Variants in GRK6 observed in about 807,000 individuals in gnomAD.
GRK6 encodes G protein-coupled receptor kinase 6.
Under a neutral mutation model 80.8 loss-of-function variants are expected in GRK6, and 37 were observed. The ratio of observed to expected loss-of-function variants is 0.46; its 90% CI spans 0.35 to 0.60. GRK6 has a LOEUF of 0.60. GRK6 is among the 20% of genes least tolerant of loss of function. The pLI, the probability that GRK6 is intolerant of heterozygous loss-of-function variation, is 0.00. For missense variants in GRK6, 560 were observed against 784.6 expected (o/e 0.71, Z 3.42); for synonymous variants, 295 against 320.9 (o/e 0.92, Z 0.86).
chr5:177,430,700 G>A (rs1262154337), intron 1 of GRK6, 172 bp from the exon 2 acceptor site: 5 of 613,864 alleles, frequency 8.1e-6, no homozygotes, highest in African/African-American at 1.9e-5. Flanking sequence ...AGAAGCACGT[G>A]TGTCCTGGAA....
intron 10 of GRK6, 32 bp downstream of exon 10, chr5:177,434,971 G>C: frequency 6.2e-7 from 1 of 1,613,060 alleles, no homozygotes; most frequent in Non-Finnish European, 8.5e-7. Flanking sequence ...GGGTCAGGGT[G>C]GGGTGAGATG....
chr5:177,438,348 C>G (rs1312765425), intron 13 of GRK6, among the ~76,000 whole-genome samples: 1 of 151,652 alleles, frequency 6.6e-6, no homozygotes, highest in Admixed American at 6.6e-5. Context: ...GCCTGGGCAA[C>G]AAGAGTGAAA....
intron 1 of GRK6, 82 bp downstream of exon 1, chr5:177,426,979 C>T: frequency 3.1e-6 from 3 of 958,360 alleles, no homozygotes; most frequent in Non-Finnish European, 4.1e-6. Flanking sequence ...GCTACCCAGC[C>T]GTCGGATCCC....
Position 177,432,228 on chromosome 5 carries a change from T to C in GRK6, c.262-5T>C, listed in dbSNP as rs1461612313. The C allele has an allele frequency of 1.9e-6, 3 of 1,613,696 alleles. No homozygotes were observed. Among genetic ancestry groups the C allele is most frequent in the East Asian group, 4.5e-5 (2 of 44,888 alleles). On this transcript the variant is annotated splice_region_variant and splice_polypyrimidine_tract_variant and intron_variant, in intron 3 of 15. Transcript: ENST00000355472. ...CCTCCAGCTTCTTTGCTTTCCACCC[T>C]GCAGGCCGAGTATGAAGTGACCCCG...
chr5:177,436,688 CCCAGGATGGGTCTGGCTTGTGGCATG>C, intron 13 of GRK6, 158 bp downstream of exon 13: 1 of 757,178 alleles, frequency 1.3e-6, no homozygotes, highest in Non-Finnish European at 2.1e-6. Flanking sequence ...AAGGAAAAGC[CCCAGGATGGGTCTGGCTTGTGGCATG>C]CCTGGATGGG....
chr5:177,426,920 C>A, intron 1 of GRK6, 23 bp downstream of exon 1: 1 of 1,348,640 alleles, frequency 7.4e-7, no homozygotes, highest in South Asian at 1.8e-5. Flanking sequence ...GGTGGGCGGC[C>A]GGGCCCGGGT....
intron 2 of GRK6, among the ~76,000 whole-genome samples, chr5:177,431,185 G>A (rs1020500615): frequency 5.9e-5 from 9 of 152,238 alleles, no homozygotes; most frequent in African/African-American, 1.9e-4. Context: ...TGGTTGAAGC[G>A]GGTGTCGGGA....
At chr5:177,433,514 G>C in intron 7 of GRK6, 22 bp from the exon 8 acceptor site, 1 of 1,613,638 alleles carries the variant, frequency 6.2e-7, no homozygotes, top group Non-Finnish European at 8.5e-7. Flanking sequence ...GCCCCCATTC[G>C]CCCCTGTCTG....
intron 11 of GRK6, among the ~76,000 whole-genome samples, chr5:177,435,811 T>C (rs1358901765): frequency 1.3e-5 from 2 of 152,244 alleles, no homozygotes; most frequent in Admixed American, 1.3e-4. Flanking sequence ...AAACTGTTTT[T>C]AGTAAGCCAG....
Position 177,436,098 on chromosome 5 carries a change from G to A in GRK6, c.1083G>A (p.Arg361=). The A allele has an allele frequency of 1.2e-6, 2 of 1,614,008 alleles. No homozygotes were observed. The highest frequency in any genetic ancestry group is 1.7e-6 in the Non-Finnish European group (2 of 1,179,970). Residue 361 remains arginine, a synonymous_variant, in exon 12 of 16, where the codon CGG becomes CGA. Transcript: ENST00000355472. ...YMAPEVVKNE[R]YTFSPDWWAL... ...CTCCGGAGGTGGTGAAGAATGAACG[G>A]TACACGTTCAGCCCTGACTGGTGGG...
rs774831325 is a variant in GRK6, at chr5:177,436,295, C to T, written c.1266+14C>T. The T allele has an allele frequency of 6.2e-7, 1 of 1,613,784 alleles. No homozygotes were observed. The highest frequency in any genetic ancestry group is 8.5e-7 in the Non-Finnish European group (1 of 1,179,872). On this transcript the variant is annotated intron_variant, in intron 12 of 15. Coordinates refer to ENST00000355472, the MANE Select transcript of GRK6 (RefSeq NM_001004106.3). Reference sequence around the variant, plus strand: ...CTTTGCTCACAGGTACGGCAGCTCACAGAAGCCTGGCCAGCCAGGGCTGGG... The same window carrying T: ...CTTTGCTCACAGGTACGGCAGCTCATAGAAGCCTGGCCAGCCAGGGCTGGG...
intron 14 of GRK6, 40 bp from the exon 15 acceptor site, chr5:177,440,879 G>T (rs1429919803): frequency 1.2e-6 from 2 of 1,613,696 alleles, no homozygotes; most frequent in Non-Finnish European, 1.7e-6. Context: ...CCAGGAGGCT[G>T]CCCTGGGGAC....
Position 177,430,811 on chromosome 5 carries a change from G to A in GRK6, c.53-61G>A, listed in dbSNP as rs1316394131. 8.1e-6 allele frequency: 12 copies of A among 1,472,972 alleles called. 1 individual carries two copies. Among genetic ancestry groups the A allele is most frequent in the Middle Eastern group, 1.9e-4 (1 of 5,204 alleles). The allele number at this position is 1,472,972 out of a possible 1,614,324, so 91.2% of individuals were successfully genotyped here. On this transcript the variant is annotated intron_variant, in intron 1 of 15. Transcript: ENST00000355472. ...CCCTAGAGGCCGTGGACCGCACTGA[G>A]GACCCAGAGGCAGTTCTGAGGCAGT...
In GRK6 at chr5:177,433,631, G is replaced by T; in HGVS notation, c.693G>T (p.Ala231=). 1 of 1,614,132 alleles carries T rather than the reference G, an allele frequency of 6.2e-7. No homozygotes were observed. The part of the protein sequence containing the change: ...RIKKRKGEAM[A]LNEKQILEKV... ...AGAAGCGGAAAGGGGAGGCCATGGCGCTGAACGAGAAGCAGATCCTGGAGA... is the reference window on the plus strand; with the variant it reads ...AGAAGCGGAAAGGGGAGGCCATGGCTCTGAACGAGAAGCAGATCCTGGAGA... Residue 231 remains alanine, a synonymous_variant, in exon 8 of 16, where the codon GCG becomes GCT. Transcript: ENST00000355472.
intron 13 of GRK6, 42 bp from the exon 14 acceptor site, chr5:177,440,658 G>A (rs759426720): frequency 1.1e-5 from 18 of 1,606,168 alleles, no homozygotes; most frequent in African/African-American, 5.3e-5. Context: ...TCGCGTGTGC[G>A]TGTGTGTGTT....
At chr5:177,436,986 G>A (rs1764190464) in intron 13 of GRK6, among the ~76,000 whole-genome samples, 1 of 151,146 alleles carries the variant, frequency 6.6e-6, no homozygotes, top group South Asian at 2.1e-4. Context: ...ACAGGGTCTT[G>A]CTCTGTCCCC....
At chr5:177,434,994 C>T (rs773858585) in intron 10 of GRK6, 38 bp from the exon 11 acceptor site, 1 of 1,612,872 alleles carries the variant, frequency 6.2e-7, no homozygotes, top group South Asian at 1.1e-5. Flanking sequence ...GAGGCCTGGC[C>T]TGTTAACGGG....
At position 177,430,934 on chromosome 5, in the gene GRK6, A is replaced by G. The variant is rs539625494; in HGVS notation, c.115A>G (p.Ile39Val). ...KWRQMLQFPH[I>V]SQCEELRLSL... The stretch of plus-strand genomic sequence containing the variant: ...GCGGCAGATGCTCCAGTTCCCTCAC[A>G]TCAGCCAGTGCGAAGAGCTGCGGCT... The change falls in exon 2 of 16, where the codon ATC becomes GTC. Residue 39 changes from isoleucine (I) to valine (V), a missense_variant. By Grantham distance (29) the Ile-to-Val change is conservative (BLOSUM62 3). Coordinates refer to ENST00000355472, the MANE Select transcript of GRK6 (RefSeq NM_001004106.3). The G allele has an allele frequency of 2.5e-6, 4 of 1,613,922 alleles. No individual in the cohort carries two copies. Among genetic ancestry groups the G allele is most frequent in the South Asian group, 1.1e-5 (1 of 91,076 alleles).
At chr5:177,430,415 G>A (rs1430793284) in intron 1 of GRK6, among the ~76,000 whole-genome samples, 2 of 152,232 alleles carry the variant, frequency 1.3e-5, no homozygotes, top group South Asian at 2.1e-4. Context: ...TATCTCTGAT[G>A]TGGGGCCTGG....
Sources: gnomAD v4.1 joint callset for allele counts (sites outside exome capture counted in the v4.1 genomes callset) on GRCh38, gnomAD v4.1.1 for gene constraint, MANE v1.5 for transcripts, NCBI Gene and HGNC (gene_info 2026-07-23, HGNC 2026-07-21) for gene names.